The following F8 variants were observed in gnomAD, a reference collection of about 807,000 sequenced individuals.
F8 encodes the protein coagulation factor VIII, also known as antihemophilic factor.
Under a neutral mutation model 140.6 loss-of-function variants are expected in F8, and 12 were observed. The observed-to-expected ratio is 0.09, with a 90% CI of 0.05 to 0.14. The LOEUF (loss-of-function observed/expected upper bound fraction) is 0.14, where lower values mean the gene tolerates loss of function less well. Among genes scored for constraint, F8 ranks in the 10% least tolerant of loss-of-function variants. The pLI is 1.00. For synonymous variants in F8, 585 were observed against 614.6 expected, an observed-to-expected ratio of 0.95 and a Z score of 0.71; for missense variants, 1,354 against 1,720.7, an observed-to-expected ratio of 0.79 and a Z score of 3.77.
chrX:154,859,593 C>T (rs151261930), intron 25 of F8, among the ~76,000 whole-genome samples: 3,278 of 111,324 alleles, frequency 0.029, 107 homozygotes, highest in African/African-American at 0.099. Context: ...TCAGCCACCG[C>T]GCCCGGCCTT....
chrX:154,999,951 C>T lies in F8; in HGVS notation c.144-351G>A, dbSNP rs782497864. 8.9e-5 allele frequency among the ~76,000 whole-genome samples: 10 copies of T among 111,831 alleles called. No individual in the cohort carries two copies. In the South Asian group the frequency reaches 3.7e-3, roughly 42 times the overall value. On this transcript the variant is annotated intron_variant, in intron 1 of 25. Coordinates refer to ENST00000360256, the MANE Select transcript of F8 (RefSeq NM_000132.4). ...CAGTATGTACCTAAAATTATACTTCCCTCCTTAGGGATACCAGGAATATCA... is the reference window on the plus strand; with the variant it reads ...CAGTATGTACCTAAAATTATACTTCTCTCCTTAGGGATACCAGGAATATCA...
At chrX:155,002,612 T>TACACACACACAC (rs368675926) in intron 1 of F8, among the ~76,000 whole-genome samples, 5 of 98,614 alleles carry the variant, frequency 5.1e-5, no homozygotes, top group African/African-American at 1.9e-4. Context: ...GGCATATATT[T>TACACACACACAC]ACACACACAC....
chrX:154,840,866 T>C (rs1428932751), intron 25 of F8, among the ~76,000 whole-genome samples: 2 of 112,353 alleles, frequency 1.8e-5, no homozygotes, highest in Non-Finnish European at 3.8e-5. Context: ...TCACATTCTA[T>C]TGATCAAGAT....
intron 6 of F8, among the ~76,000 whole-genome samples, chrX:154,977,059 A>G (rs2073490791): frequency 9.0e-6 from 1 of 111,050 alleles, no homozygotes; most frequent in Non-Finnish European, 1.9e-5. Flanking sequence ...TATTATAAAA[A>G]TTTTTGCTTT....
At chrX:154,869,910 A>G (rs1442489175) in intron 22 of F8, among the ~76,000 whole-genome samples, 3 of 112,442 alleles carry the variant, frequency 2.7e-5, no homozygotes, top group Non-Finnish European at 5.6e-5. Flanking sequence ...AGAGAATACT[A>G]TAAACACGTC....
At chrX:154,872,396 G>C (rs993764577) in intron 22 of F8, among the ~76,000 whole-genome samples, 6 of 111,511 alleles carry the variant, frequency 5.4e-5, no homozygotes, top group South Asian at 7.6e-4. Context: ...CCTGTCCTTT[G>C]CAGGGACATG....
rs201755980 is a variant in F8, at chrX:154,939,012, C to CGTTTCTTCAA, written c.2114-7337_2114-7336insTTGAAGAAAC. Among the ~76,000 whole-genome samples, 126 of 110,920 alleles carry CGTTTCTTCAA rather than the reference C, an allele frequency of 1.1e-3. 1 individual carries two copies. In the East Asian group the frequency reaches 0.033, roughly 29 times the overall value. Reference sequence around the variant, plus strand: ...AGGTAGGAGTGAGAAAATGAAGTCACGTTGTTTGAAGGTCTTTGCATTGGG... The same window carrying CGTTTCTTCAA: ...AGGTAGGAGTGAGAAAATGAAGTCACGTTTCTTCAAGTTGTTTGAAGGTCTTTGCATTGGG... On this transcript the variant is annotated intron_variant, in intron 13 of 25. Transcript: ENST00000360256.
chrX:154,890,954 C>G lies in F8; in HGVS notation c.6429+5123G>C, dbSNP rs28754616. On this transcript the variant is annotated intron_variant, in intron 22 of 25. Coordinates refer to ENST00000360256, the MANE Select transcript of F8 (RefSeq NM_000132.4). ...GTAGAGCTACTGAAAAAGCTAAACC[C>G]ATTTCATTCATGAATATAGATATAG... is the stretch of plus-strand genomic sequence containing the variant. Among the ~76,000 whole-genome samples the G allele has an allele frequency of 7.4e-3, 830 of 112,713 alleles. 12 individuals are homozygous for G. Among genetic ancestry groups the G allele is most frequent in the African/African-American group, 0.024 (754 of 31,061 alleles).
chrX:154,909,220 G>A (rs2073052704), intron 14 of F8: 1 of 167,779 alleles, frequency 6.0e-6, no homozygotes, highest in South Asian at 1.2e-4. Context: ...TGCTGGGTTT[G>A]AGGGCACCAG....
At chrX:154,864,951 A>G (rs2072720600) in intron 22 of F8, among the ~76,000 whole-genome samples, 1 of 111,922 alleles carries the variant, frequency 8.9e-6, no homozygotes, top group Non-Finnish European at 1.9e-5. Flanking sequence ...AGAACTCCCC[A>G]AATCTATGGA....
At chrX:154,905,059 A>G (rs782253546) in intron 15 of F8, 36 bp from the exon 16 acceptor site, 2 of 1,065,691 alleles carry the variant, frequency 1.9e-6, no homozygotes, top group Non-Finnish European at 2.6e-6. Flanking sequence ...AAAAAGCAAG[A>G]ATAATCTTCT....
Position 154,904,776 on chromosome X carries a change from C to T in F8, c.5586+35G>A, listed in dbSNP as rs201316123. On this transcript the variant is annotated intron_variant, in intron 16 of 25. Coordinates refer to ENST00000360256, the MANE Select transcript of F8 (RefSeq NM_000132.4). ...GTACACAAAGACCATTTCTTTTAAACCAAAAAGTGGTCAGCACAATAGACA... is the reference window on the plus strand; with the variant it reads ...GTACACAAAGACCATTTCTTTTAAATCAAAAAGTGGTCAGCACAATAGACA... 386 of 1,164,760 alleles carry T rather than the reference C, an allele frequency of 3.3e-4. 1 individual carries two copies. The highest frequency in any genetic ancestry group is 4.2e-4 in the Non-Finnish European group (356 of 854,205).
chrX:154,837,845 T>C (rs2072486982), intron 25 of F8, 93 bp from the exon 26 acceptor site: 2 of 898,883 alleles, frequency 2.2e-6, no homozygotes, highest in South Asian at 2.1e-5. Context: ...TTGTTTCCAG[T>C]AGTCCAGGAT....
At chrX:154,885,113 C>CGCACCG in intron 22 of F8, 2 of 816,914 alleles carry the variant, frequency 2.4e-6, no homozygotes, top group South Asian at 4.7e-5. Flanking sequence ...GACCTGCTCT[C>CGCACCG]GCACCGTCCG....
intron 2 of F8, 47 bp downstream of exon 2, chrX:154,999,432 A>G (rs1557285404): frequency 2.5e-6 from 3 of 1,177,612 alleles, no homozygotes; most frequent in South Asian, 1.8e-5. Context: ...GTGATAGAAA[A>G]TAAGATACCC....
intron 14 of F8, among the ~76,000 whole-genome samples, chrX:154,920,773 G>A (rs2073126187): frequency 8.9e-6 from 1 of 111,835 alleles, no homozygotes; most frequent in African/African-American, 3.3e-5. Flanking sequence ...TTTTTGATGT[G>A]ACAGTTTACA....
intron 6 of F8, among the ~76,000 whole-genome samples, chrX:154,972,065 T>C (rs1557282619): frequency 3.6e-5 from 4 of 112,430 alleles, no homozygotes. Context: ...CTAGAAAATA[T>C]GATAGATCTA....
intron 9 of F8, among the ~76,000 whole-genome samples, chrX:154,961,921 A>G (rs1022395046): frequency 9.0e-6 from 1 of 111,322 alleles, no homozygotes; most frequent in Admixed American, 9.5e-5. Context: ...ATGAGAGACC[A>G]CTGACCATGG....
chrX:154,840,405 C>T (rs781973011), intron 25 of F8, among the ~76,000 whole-genome samples: 12 of 111,722 alleles, frequency 1.1e-4, no homozygotes, highest in African/African-American at 3.3e-4. Context: ...TCTTCTGGCA[C>T]ATCAAGATCA....
Sources: gnomAD v4.1 joint callset for allele counts (sites outside exome capture counted in the v4.1 genomes callset) on GRCh38, gnomAD v4.1.1 for gene constraint, MANE v1.5 for transcripts, NCBI Gene and HGNC (gene_info 2026-07-23, HGNC 2026-07-21) for gene names.